Variants in DPYD observed in about 807,000 individuals in gnomAD.
DPYD encodes the protein dihydropyrimidine dehydrogenase [NADP(+)].
Under a neutral mutation model 116.2 loss-of-function variants are expected in DPYD, and 109 were observed. The observed-to-expected ratio is 0.94, with a 90% confidence interval of 0.80 to 1.10. The LOEUF is 1.10. Among genes scored for constraint, DPYD ranks in the 50% least tolerant of loss-of-function variants. The pLI, the probability that DPYD is intolerant of heterozygous loss-of-function variation, is 0.00. For synonymous variants in DPYD, 440 were observed against 432.0 expected, an observed-to-expected ratio of 1.02 and a Z score of -0.23; for missense variants, 1,302 against 1,254.5, an observed-to-expected ratio of 1.04 and a Z score of -0.57.
chr1:97,823,905 A>T (rs1179038080), intron 3 of DPYD, among the ~76,000 whole-genome samples: 4 of 150,074 alleles, frequency 2.7e-5, no homozygotes, highest in Non-Finnish European at 5.9e-5. Flanking sequence ...CAGCAAAAAC[A>T]AACAAGTAAA....
intron 12 of DPYD, among the ~76,000 whole-genome samples, chr1:97,528,359 C>A (rs1262308343): frequency 6.6e-6 from 1 of 152,106 alleles, no homozygotes; most frequent in Non-Finnish European, 1.5e-5. Flanking sequence ...TTACGCATTT[C>A]TTTAAAAGAC....
At chr1:97,368,615 G>C (rs928712253) in intron 16 of DPYD, among the ~76,000 whole-genome samples, 1 of 152,118 alleles carries the variant, frequency 6.6e-6, no homozygotes, top group Non-Finnish European at 1.5e-5. Context: ...ATAGCTGATG[G>C]AAGGTCTAAG....
At chr1:97,507,405 G>C (rs1229172409) in intron 13 of DPYD, among the ~76,000 whole-genome samples, 3 of 151,670 alleles carry the variant, frequency 2.0e-5, no homozygotes, top group Admixed American at 6.6e-5. Flanking sequence ...TTGGAAGCTA[G>C]AACTATAGCA....
intron 4 of DPYD, among the ~76,000 whole-genome samples, chr1:97,731,039 T>A (rs2101048084): frequency 6.6e-6 from 1 of 152,232 alleles, no homozygotes; most frequent in African/African-American, 2.4e-5. Context: ...ATATATATAT[T>A]CAAACATATA....
intron 3 of DPYD, among the ~76,000 whole-genome samples, chr1:97,766,416 C>T (rs985692596): frequency 6.6e-6 from 1 of 151,898 alleles, no homozygotes; most frequent in South Asian, 2.1e-4. Context: ...CAGCACTCAC[C>T]CATTTGCAAG....
intron 20 of DPYD, among the ~76,000 whole-genome samples, chr1:97,122,025 T>C (rs1652478988): frequency 6.6e-6 from 1 of 152,142 alleles, no homozygotes; most frequent in Non-Finnish European, 1.5e-5. Context: ...TTGTCCAAGA[T>C]TCTTGAATCT....
At chr1:97,628,486 T>C (rs1163987395) in intron 8 of DPYD, among the ~76,000 whole-genome samples, 1 of 152,110 alleles carries the variant, frequency 6.6e-6, no homozygotes, top group Non-Finnish European at 1.5e-5. Flanking sequence ...ATCATATATA[T>C]TTTGCCTGCT....
intron 3 of DPYD, among the ~76,000 whole-genome samples, chr1:97,762,608 C>A (rs1295041372): frequency 1.3e-5 from 2 of 152,082 alleles, no homozygotes; most frequent in Non-Finnish European, 2.9e-5. Context: ...TTCTCTAAAT[C>A]CTCTCCTTCT....
intron 6 of DPYD, among the ~76,000 whole-genome samples, chr1:97,692,266 G>T (rs2100951803): frequency 6.6e-6 from 1 of 151,942 alleles, no homozygotes; most frequent in Non-Finnish European, 1.5e-5. Context: ...TTGTTGATAT[G>T]CAAATGTGTA....
chr1:97,331,228 T>C (rs1668979487), intron 16 of DPYD, among the ~76,000 whole-genome samples: 1 of 151,596 alleles, frequency 6.6e-6, no homozygotes. Context: ...AATTCCAGTG[T>C]TTTAGGAGGT....
chr1:97,616,067 T>G (rs776271265), intron 8 of DPYD, among the ~76,000 whole-genome samples: 11 of 152,138 alleles, frequency 7.2e-5, no homozygotes, highest in Non-Finnish European at 1.6e-4. Flanking sequence ...CTACCATGTG[T>G]TCCTCCTCTT....
intron 12 of DPYD, among the ~76,000 whole-genome samples, chr1:97,525,883 TGTGC>T (rs147655980): frequency 8.8e-5 from 6 of 68,088 alleles, no homozygotes; most frequent in East Asian, 9.1e-4. Flanking sequence ...TGTGTGTGTG[TGTGC>T]GCGCGCGCGT....
intron 14 of DPYD, among the ~76,000 whole-genome samples, chr1:97,426,130 T>G (rs1674855223): frequency 6.6e-6 from 1 of 151,834 alleles, no homozygotes; most frequent in Non-Finnish European, 1.5e-5. Context: ...GAATCAGAAA[T>G]TGGCTTAGAA....
At chr1:97,197,904 C>A (rs1038174616) in intron 19 of DPYD, among the ~76,000 whole-genome samples, 1 of 152,098 alleles carries the variant, frequency 6.6e-6, no homozygotes, top group African/African-American at 2.4e-5. Flanking sequence ...CCATGAGACA[C>A]GAGTGCTGGA....
chr1:97,497,512 A>G (rs946692276), intron 13 of DPYD, among the ~76,000 whole-genome samples: 4 of 151,922 alleles, frequency 2.6e-5, no homozygotes, highest in Non-Finnish European at 4.4e-5. Context: ...ACTGTCAATT[A>G]TATTAACCAG....
At chr1:97,418,917 A>G (rs1312889905) in intron 14 of DPYD, among the ~76,000 whole-genome samples, 1 of 152,196 alleles carries the variant, frequency 6.6e-6, no homozygotes, top group African/African-American at 2.4e-5. Context: ...AAGGAAAAAT[A>G]AGTATACTGA....
At chr1:97,388,988 G>C (rs1672517065) in intron 14 of DPYD, among the ~76,000 whole-genome samples, 1 of 151,990 alleles carries the variant, frequency 6.6e-6, no homozygotes, top group South Asian at 2.1e-4. Flanking sequence ...AAATAAGTAT[G>C]GATGCATTTA....
chr1:97,314,447 C>G (rs555697255), intron 16 of DPYD, among the ~76,000 whole-genome samples: 1 of 146,430 alleles, frequency 6.8e-6, no homozygotes, highest in Non-Finnish European at 1.5e-5. Context: ...CTCTGACATT[C>G]TTAGTGTCAA....
At chr1:97,882,941 A>C (rs948650821) in intron 2 of DPYD, among the ~76,000 whole-genome samples, 2 of 152,048 alleles carry the variant, frequency 1.3e-5, no homozygotes, top group African/African-American at 4.8e-5. Flanking sequence ...TTTTGAAAAA[A>C]GAAATTTTGG....
Sources: gnomAD v4.1 joint callset for allele counts (sites outside exome capture counted in the v4.1 genomes callset) on GRCh38, gnomAD v4.1.1 for gene constraint, MANE v1.5 for transcripts, NCBI Gene and HGNC (gene_info 2026-07-23, HGNC 2026-07-21) for gene names.